The following NHLRC2 variants were observed in gnomAD, a reference collection of about 807,000 sequenced individuals.
The protein encoded by NHLRC2 is NHL repeat-containing protein 2.
A neutral mutation model predicts 68.1 loss-of-function variants in NHLRC2; 33 were observed. That is an observed-to-expected ratio of 0.48 (90% CI 0.37 to 0.65). The LOEUF (loss-of-function observed/expected upper bound fraction) is 0.65, where lower values mean the gene tolerates loss of function less well. Ranked by LOEUF, NHLRC2 falls within the 30% of genes least tolerant of loss-of-function variation. The pLI, the probability that NHLRC2 is intolerant of heterozygous loss-of-function variation, is 0.00. For synonymous variants in NHLRC2, 311 were observed against 309.6 expected (o/e 1.00, Z -0.05); for missense variants, 761 against 853.8 (o/e 0.89, Z 1.35).
chr10:113,894,944 GAT>G (rs773355210), intron 5 of NHLRC2, among the ~76,000 whole-genome samples: 8 of 151,836 alleles, frequency 5.3e-5, no homozygotes, highest in Non-Finnish European at 1.0e-4. Flanking sequence ...GCTATATATT[GAT>G]ATATACATAA....
chr10:113,872,152 G>A lies in NHLRC2; in HGVS notation c.332-4369G>A, dbSNP rs115460371. Among the ~76,000 whole-genome samples, 832 of 152,222 alleles carry A rather than the reference G, an allele frequency of 5.5e-3. 8 individuals are homozygous for A. The highest frequency in any genetic ancestry group is 0.018 in the African/African-American group (751 of 41,526). On this transcript the variant is annotated intron_variant, in intron 2 of 10. Transcript: ENST00000369301. ...GACAAGGAATTGAAGCCTCAGAGAA[G>A]CATTGCTCCTGGGAGATAATCAGCT...
At chr10:113,904,163 A>C (rs1468447860) in intron 9 of NHLRC2, among the ~76,000 whole-genome samples, 2 of 149,986 alleles carry the variant, frequency 1.3e-5, no homozygotes, top group Non-Finnish European at 3.0e-5. Flanking sequence ...TGATGAATCC[A>C]TTACCAAATA....
intron 2 of NHLRC2, among the ~76,000 whole-genome samples, chr10:113,869,911 T>C (rs1339999542): frequency 6.6e-6 from 1 of 152,168 alleles, no homozygotes; most frequent in East Asian, 1.9e-4. Flanking sequence ...TCTTTGTCGT[T>C]TTTTGAGCCC....
At chr10:113,898,363 C>T (rs901759694) in intron 6 of NHLRC2, among the ~76,000 whole-genome samples, 154 bp downstream of exon 6, 1 of 152,184 alleles carries the variant, frequency 6.6e-6, no homozygotes, top group Non-Finnish European at 1.5e-5. Flanking sequence ...TAAAACAAGG[C>T]GTGTTTATTG....
Position 113,857,989 on chromosome 10 carries a change from C to T in NHLRC2, c.179-539C>T, listed in dbSNP as rs1333260682. 2.0e-5 allele frequency among the ~76,000 whole-genome samples: 3 copies of T among 150,906 alleles called. No homozygotes were observed. The East Asian group carries it at 5.8e-4, about 29-fold the overall frequency. On this transcript the variant is annotated intron_variant, in intron 1 of 10. Coordinates refer to ENST00000369301, the MANE Select transcript of NHLRC2 (RefSeq NM_198514.4). ...TAAGCTTGACCTTTATTCTCAGTAG[C>T]CCATTTGTATCTAATTGTTTATGTA... is the stretch of plus-strand genomic sequence containing the variant.
Position 113,874,100 on chromosome 10 carries a change from ATC to A in NHLRC2, c.332-2417_332-2416del, listed in dbSNP as rs376043442. Among the ~76,000 whole-genome samples the A allele has an allele frequency of 2.3e-3, 357 of 152,086 alleles. 1 individual carries two copies. Among genetic ancestry groups the A allele is most frequent in the African/African-American group, 7.8e-3 (325 of 41,478 alleles). Reference sequence around the variant, plus strand: ...CTTTCTTTGCTGTTTTATTTTCATAATCTCTTCTGATATTTATAAATGTTTAC... The same window carrying A: ...CTTTCTTTGCTGTTTTATTTTCATAATCTTCTGATATTTATAAATGTTTAC... On this transcript the variant is annotated intron_variant, in intron 2 of 10. Coordinates refer to ENST00000369301, the MANE Select transcript of NHLRC2 (RefSeq NM_198514.4).
intron 5 of NHLRC2, among the ~76,000 whole-genome samples, chr10:113,885,418 G>A (rs1051980972): frequency 2.0e-5 from 3 of 151,852 alleles, no homozygotes; most frequent in African/African-American, 7.2e-5. Context: ...CAACTAAAGG[G>A]ATACTTCATA....
In NHLRC2 at chr10:113,858,550, A is replaced by G. The variant is rs778263800; in HGVS notation, c.201A>G (p.Glu67=). Residue 67 remains glutamate, a synonymous_variant, in exon 2 of 11, where the codon GAA becomes GAG. Transcript: ENST00000369301. ...CAGGATTAGAATGGCTGAACACAGA[A>G]GAACCTATTTCTGTCTACAAGGATC... ...FPEGLEWLNT[E]EPISVYKDLC... The G allele has an allele frequency of 6.2e-7, 1 of 1,607,336 alleles. No homozygotes were observed. The highest frequency in any genetic ancestry group is 1.1e-5 in the South Asian group (1 of 90,668).
intron 6 of NHLRC2, among the ~76,000 whole-genome samples, chr10:113,900,245 A>T (rs1010813076): frequency 2.6e-5 from 4 of 152,230 alleles, no homozygotes; most frequent in African/African-American, 7.2e-5. Context: ...GAACAAGACT[A>T]GAGACAGAGA....
rs142664764 is a variant in NHLRC2 at position 113,860,584 on chromosome 10, C to G, written c.331+1904C>G. Among the ~76,000 whole-genome samples the G allele has an allele frequency of 1.9e-3, 292 of 152,048 alleles. 2 individuals carry two copies. The highest frequency in any genetic ancestry group is 6.8e-3 in the African/African-American group (282 of 41,472). Reference sequence around the variant, plus strand: ...AAAAAAATAAACCGATAGAAATTGTCTCTAAAAAATACCTGATACATATCT... The same window carrying G: ...AAAAAAATAAACCGATAGAAATTGTGTCTAAAAAATACCTGATACATATCT... On this transcript the variant is annotated intron_variant, in intron 2 of 10. Transcript: ENST00000369301.
chr10:113,908,209 A>T, intron 10 of NHLRC2, 71 bp from the exon 11 acceptor site: 1 of 1,143,508 alleles, frequency 8.7e-7, no homozygotes, highest in Non-Finnish European at 1.3e-6. Context: ...GAGTTTATCT[A>T]GTCTTCATAA....
intron 5 of NHLRC2, among the ~76,000 whole-genome samples, chr10:113,886,742 C>T: frequency 6.6e-6 from 1 of 152,042 alleles, no homozygotes; most frequent in African/African-American, 2.4e-5. Flanking sequence ...AGATTAAAGA[C>T]TCACAAGGCC....
chr10:113,871,266 A>G (rs1025741421), intron 2 of NHLRC2, among the ~76,000 whole-genome samples: 1 of 151,960 alleles, frequency 6.6e-6, no homozygotes, highest in African/African-American at 2.4e-5. Context: ...TCAGGTGATC[A>G]GCCAGCCTCG....
chr10:113,889,260 C>T (rs1397003620), intron 5 of NHLRC2, among the ~76,000 whole-genome samples: 1 of 152,054 alleles, frequency 6.6e-6, no homozygotes, highest in Non-Finnish European at 1.5e-5. Context: ...AGAAGTTTAG[C>T]CATTCTTCTA....
At chr10:113,856,108 C>T (rs1029137783) in intron 1 of NHLRC2, among the ~76,000 whole-genome samples, 3 of 152,172 alleles carry the variant, frequency 2.0e-5, no homozygotes, top group South Asian at 2.1e-4. Flanking sequence ...AAATCCTGGC[C>T]ATGTGAGCTT....
intron 5 of NHLRC2, among the ~76,000 whole-genome samples, chr10:113,891,838 G>A (rs1224147171): frequency 1.3e-5 from 2 of 152,184 alleles, no homozygotes; most frequent in African/African-American, 4.8e-5. Context: ...AGGCCTTGAG[G>A]AAAGGATGTG....
chr10:113,863,431 A>G (rs1024108577), intron 2 of NHLRC2, among the ~76,000 whole-genome samples: 2 of 152,174 alleles, frequency 1.3e-5, no homozygotes, highest in Admixed American at 6.5e-5. Context: ...ATGAAAACAC[A>G]ATGTAACAAA....
chr10:113,871,762 C>A (rs1016495017), intron 2 of NHLRC2, among the ~76,000 whole-genome samples: 4 of 152,234 alleles, frequency 2.6e-5, no homozygotes, highest in South Asian at 4.2e-4. Context: ...TTGAATCTCC[C>A]CACTGTCCCT....
At chr10:113,855,984 A>AT (rs1286940261) in intron 1 of NHLRC2, among the ~76,000 whole-genome samples, 40 of 152,294 alleles carry the variant, frequency 2.6e-4, no homozygotes, top group African/African-American at 8.4e-4. Context: ...CCCCAGTTGG[A>AT]TTATACAGGC....
Sources: gnomAD v4.1 joint callset for allele counts (sites outside exome capture counted in the v4.1 genomes callset) on GRCh38, gnomAD v4.1.1 for gene constraint, MANE v1.5 for transcripts, NCBI Gene and HGNC (gene_info 2026-07-23, HGNC 2026-07-21) for gene names.